FMN2: variants seen among roughly 807,000 people sequenced by gnomAD.
The protein encoded by FMN2 is formin 2.
In FMN2, 51 loss-of-function variants were observed where a neutral mutation model predicts 142.3. The observed-to-expected ratio is 0.36, with a 90% CI of 0.29 to 0.45. The LOEUF (loss-of-function observed/expected upper bound fraction) is 0.45, where lower values mean the gene tolerates loss of function less well. FMN2 is among the 20% of genes least tolerant of loss of function. The pLI, the probability that FMN2 is intolerant of heterozygous loss-of-function variation, is 1.00. For synonymous variants in FMN2, 882 were observed against 869.8 expected, an observed-to-expected ratio of 1.01 and a Z score of -0.25; for missense variants, 1,936 against 2,122.8, an observed-to-expected ratio of 0.91 and a Z score of 1.73.
rs1572085646 is a variant in FMN2, at chr1:240,222,854, CTT to C, written c.4065+11621_4065+11622del. On this transcript the variant is annotated intron_variant, in intron 6 of 17. Coordinates refer to ENST00000319653, the MANE Select transcript of FMN2 (RefSeq NM_020066.5). ...TGCACATTGATTTTGTATCCTGAGA[CTT>C]TGCTGAAGTTGCTTATCAGCTTAAG... 2.6e-5 allele frequency among the ~76,000 whole-genome samples: 4 copies of C among 152,300 alleles called. No homozygotes were observed. In the East Asian group the frequency reaches 7.7e-4, roughly 29 times the overall value.
intron 14 of FMN2, among the ~76,000 whole-genome samples, chr1:240,377,720 C>T (rs1266783067): frequency 8.5e-5 from 13 of 152,166 alleles, no homozygotes; most frequent in Admixed American, 1.3e-4. Context: ...ACTGGGACAA[C>T]GAGGTATAAT....
intron 15 of FMN2, among the ~76,000 whole-genome samples, chr1:240,401,924 G>A (rs567164695): frequency 3.9e-5 from 6 of 152,326 alleles, no homozygotes; most frequent in African/African-American, 1.4e-4. Context: ...TTCGTCATAT[G>A]TAAAAAGGAA....
Position 240,092,697 on chromosome 1 carries a change from T to A in FMN2, c.588T>A (p.Leu196=). ...CGGCTACGGAGCAAGAGGATTTGCT[T>A]TCAGACATCCAGCAGGCGATCCGCC... ...FHSATEQEDL[L]SDIQQAIRLQ... is the part of the protein sequence containing the mutation. The change falls in exon 1 of 18, where the codon CTT becomes CTA. Residue 196 remains leucine (L), a synonymous_variant. Transcript: ENST00000319653. The A allele has an allele frequency of 6.2e-7, 1 of 1,613,916 alleles. No homozygotes were observed.
At chr1:240,403,800 T>TAAAGA (rs1220071121) in intron 15 of FMN2, among the ~76,000 whole-genome samples, 1 of 152,190 alleles carries the variant, frequency 6.6e-6, no homozygotes, top group Non-Finnish European at 1.5e-5. Flanking sequence ...ACTGTATAGT[T>TAAAGA]TAAAAATGTA....
At chr1:240,472,091 G>C in intron 16 of FMN2, 1 of 292,152 alleles carries the variant, frequency 3.4e-6, no homozygotes, top group Non-Finnish European at 6.2e-6. Context: ...TATATAGGAT[G>C]AAATGCATAC....
In FMN2 at chr1:240,093,490, T is replaced by G. The variant is rs1396309667; in HGVS notation, c.1381T>G (p.Ser461Ala). ...LSRGSRTALASVAAPAKKHRA... is the reference protein window; with the variant it reads ...LSRGSRTALAAVAAPAKKHRA... ...CCGAGGGTCCAGAACTGCCCTGGCC[T>G]CCGTAGCCGCCCCGGCCAAGAAGCA... The change falls in exon 1 of 18, where the codon TCC becomes GCC. Residue 461 changes from serine (S) to alanine (A), a missense_variant. Physicochemically the swap from Ser to Ala is moderately conservative, Grantham distance 99. Coordinates refer to ENST00000319653, the MANE Select transcript of FMN2 (RefSeq NM_020066.5). 6.3e-7 allele frequency: 1 copy of G among 1,599,264 alleles called. No individual in the cohort carries two copies. Among genetic ancestry groups the G allele is most frequent in the Non-Finnish European group, 8.5e-7 (1 of 1,174,418 alleles).
In FMN2 at chr1:240,321,590, A is replaced by G. The variant is rs181598147; in HGVS notation, c.4216-7486A>G. On this transcript the variant is annotated intron_variant, in intron 8 of 17. Coordinates refer to ENST00000319653, the MANE Select transcript of FMN2 (RefSeq NM_020066.5). ...AAGTAAATTGATATGGTTTTCACTA[A>G]CTTGGTGTAGTACTAAAGATTATCT... is the stretch of plus-strand genomic sequence containing the variant. Among the ~76,000 whole-genome samples, 45 of 152,288 alleles carry G rather than the reference A, an allele frequency of 3.0e-4. No homozygotes were observed. The East Asian group carries it at 8.1e-3, about 27-fold the overall frequency.
intron 14 of FMN2, among the ~76,000 whole-genome samples, chr1:240,361,135 AT>A (rs56038731): frequency 0.54 from 55,673 of 103,764 alleles, 12,256 homozygotes; most frequent in African/African-American, 0.65. Flanking sequence ...ATAAATAAAT[AT>A]ATGTGTATAT....
intron 2 of FMN2, among the ~76,000 whole-genome samples, chr1:240,159,974 T>TACACACACACACACACACACACACAC (rs1185408892): frequency 7.5e-6 from 1 of 134,084 alleles, no homozygotes; most frequent in African/African-American, 2.8e-5. Context: ...TATATATATA[T>TACACACACACACACACACACACACAC]ACACACACAC....
chr1:240,329,589 A>G, intron 10 of FMN2, 121 bp downstream of exon 10: 1 of 1,304,232 alleles, frequency 7.7e-7, no homozygotes, highest in Non-Finnish European at 1.1e-6. Context: ...GAAGGATCGC[A>G]GTCCCACAGA....
Position 240,093,704 on chromosome 1 carries a change from G to A in FMN2, c.1595G>A (p.Gly532Asp). Residue 532 changes from glycine to aspartate, a missense_variant, in exon 1 of 18, where the codon GGC (glycine) becomes GAC (aspartate). By Grantham distance (94) the Gly-to-Asp change is moderately conservative (BLOSUM62 -1). Around this residue, in one of 8 missense-constraint regions of FMN2, gnomAD observed 751 missense variants for 791.8 expected, o/e 0.95. Transcript: ENST00000319653. ...KASGAPAAADGFQNVFTGRTL... is the reference protein window; with the variant it reads ...KASGAPAAADDFQNVFTGRTL... Reference sequence around the variant, plus strand: ...TCTGGGGCCCCCGCGGCTGCGGATGGCTTCCAGAACGTGTTCACAGGTGAG... The same window carrying A: ...TCTGGGGCCCCCGCGGCTGCGGATGACTTCCAGAACGTGTTCACAGGTGAG... 3 of 1,371,648 alleles carry A rather than the reference G, an allele frequency of 2.2e-6. No individual in the cohort carries two copies. The highest frequency in any genetic ancestry group is 2.8e-6 in the Non-Finnish European group (3 of 1,069,874). 85.0% of individuals were successfully genotyped at this position (1,371,648 alleles called of 1,614,324 possible).
At chr1:240,131,859 G>T (rs989599520) in intron 2 of FMN2, among the ~76,000 whole-genome samples, 4 of 152,236 alleles carry the variant, frequency 2.6e-5, no homozygotes, top group Admixed American at 2.0e-4. Context: ...CAACCTGGGG[G>T]TGCTTTTGAA....
At chr1:240,198,424 A>G (rs1572050102) in intron 4 of FMN2, among the ~76,000 whole-genome samples, 1 of 152,162 alleles carries the variant, frequency 6.6e-6, no homozygotes, top group Admixed American at 6.5e-5. Context: ...TCTTCCTTCC[A>G]TATCACATTT....
At chr1:240,265,940 T>C (rs1270393047) in intron 7 of FMN2, among the ~76,000 whole-genome samples, 5 of 151,516 alleles carry the variant, frequency 3.3e-5, no homozygotes, top group Admixed American at 2.0e-4. Context: ...TTTCCTTTTT[T>C]CATTGCCCTG....
At chr1:240,241,825 C>CTTCTTTTTTTT (rs1667908718) in intron 6 of FMN2, among the ~76,000 whole-genome samples, 1 of 96,236 alleles carries the variant, frequency 1.0e-5, no homozygotes, top group Non-Finnish European at 2.1e-5. Flanking sequence ...GTGTGCCTTG[C>CTTCTTTTTTTT]TTTTTTTTTT....
intron 2 of FMN2, among the ~76,000 whole-genome samples, chr1:240,132,097 T>A (rs1662765528): frequency 2.6e-5 from 4 of 152,190 alleles, no homozygotes. Context: ...GTGGAGTAGA[T>A]GATTTCTTTG....
intron 14 of FMN2, among the ~76,000 whole-genome samples, chr1:240,381,012 T>C (rs1163052685): frequency 6.6e-6 from 1 of 152,088 alleles, no homozygotes; most frequent in African/African-American, 2.4e-5. Flanking sequence ...AGTCAGTAAT[T>C]TTTTTAAAAA....
intron 4 of FMN2, among the ~76,000 whole-genome samples, chr1:240,205,286 C>T (rs1251917826): frequency 6.6e-6 from 1 of 152,150 alleles, no homozygotes; most frequent in Non-Finnish European, 1.5e-5. Context: ...AGCAAATCCA[C>T]ATCTGTATGA....
intron 7 of FMN2, among the ~76,000 whole-genome samples, chr1:240,266,091 T>A (rs56905046): frequency 6.6e-6 from 1 of 150,904 alleles, no homozygotes. Context: ...GTTATCTGGG[T>A]ATATTGCATG....
Sources: gnomAD v4.1 joint callset for allele counts (sites outside exome capture counted in the v4.1 genomes callset) on GRCh38, gnomAD v4.1.1 for gene constraint, gnomAD v4.1.1 regional missense constraint, MANE v1.5 for transcripts, NCBI Gene and HGNC (gene_info 2026-07-23, HGNC 2026-07-21) for gene names.